The following RPH3A variants were observed in gnomAD, a reference collection of about 807,000 sequenced individuals.
RPH3A encodes the protein rabphilin-3A.
In RPH3A, 48 loss-of-function variants were observed where a neutral mutation model predicts 102.2. The observed-to-expected ratio is 0.47, with a 90% CI of 0.37 to 0.60. The LOEUF (loss-of-function observed/expected upper bound fraction) is 0.60. Ranked by LOEUF, RPH3A falls within the 20% of genes least tolerant of loss-of-function variation. The pLI is 0.00. For missense variants in RPH3A, 781 were observed against 910.1 expected (o/e 0.86, Z 1.83); for synonymous variants, 310 against 324.3 (o/e 0.96, Z 0.47).
intron 1 of RPH3A, among the ~76,000 whole-genome samples, chr12:112,769,824 A>G (rs1325471618): frequency 1.3e-5 from 2 of 152,244 alleles, no homozygotes; most frequent in East Asian, 1.9e-4. Flanking sequence ...ATACAGAAAT[A>G]CATTCTTATA....
chr12:112,610,628 T>A (rs1566227619), intron 1 of RPH3A, among the ~76,000 whole-genome samples: 1 of 151,904 alleles, frequency 6.6e-6, no homozygotes, highest in Admixed American at 6.6e-5. Context: ...AAAATTATTA[T>A]TTTATTTATT....
intron 1 of RPH3A, among the ~76,000 whole-genome samples, chr12:112,635,866 A>G (rs1449579122): frequency 1.3e-5 from 2 of 152,170 alleles, no homozygotes; most frequent in Non-Finnish European, 2.9e-5. Flanking sequence ...GGCAGTAACA[A>G]GGGAAAATAT....
intron 5 of RPH3A, among the ~76,000 whole-genome samples, chr12:112,862,172 A>G (rs1284784806): frequency 6.6e-6 from 1 of 152,144 alleles, no homozygotes; most frequent in African/African-American, 2.4e-5. Flanking sequence ...AAATGTTTTT[A>G]AATTAGCCAG....
chr12:112,881,748 C>T, intron 14 of RPH3A, 24 bp from the exon 15 acceptor site: 2 of 1,586,316 alleles, frequency 1.3e-6, no homozygotes, highest in East Asian at 4.5e-5. Flanking sequence ...GAGGCCCTCA[C>T]ACCATTGCCT....
chr12:112,706,115 C>G (rs1372543834), intron 1 of RPH3A, among the ~76,000 whole-genome samples: 1 of 152,172 alleles, frequency 6.6e-6, no homozygotes, highest in African/African-American at 2.4e-5. Flanking sequence ...CTAGAGCAGA[C>G]ACTTTTGGTG....
intron 1 of RPH3A, among the ~76,000 whole-genome samples, chr12:112,786,089 C>G (rs1254604057): frequency 6.6e-6 from 1 of 152,180 alleles, no homozygotes; most frequent in Non-Finnish European, 1.5e-5. Flanking sequence ...AGTGACATGC[C>G]AAGGTCCCAA....
At chr12:112,874,734 T>C (rs2042764571) in intron 10 of RPH3A, 1 of 230,474 alleles carries the variant, frequency 4.3e-6, no homozygotes, top group South Asian at 8.9e-5. Context: ...GTTTGTGTCA[T>C]TGTATCTTCC....
At chr12:112,734,836 T>G (rs533315740) in intron 1 of RPH3A, among the ~76,000 whole-genome samples, 1 of 152,172 alleles carries the variant, frequency 6.6e-6, no homozygotes, top group African/African-American at 2.4e-5. Flanking sequence ...AATTAGTGTA[T>G]AATGAACAGT....
intron 1 of RPH3A, among the ~76,000 whole-genome samples, chr12:112,753,299 C>T (rs944891001): frequency 1.4e-4 from 21 of 152,190 alleles, no homozygotes; most frequent in African/African-American, 5.1e-4. Context: ...CACGTCAAAT[C>T]CTATCCATTC....
rs146638015 is a variant in RPH3A at position 112,812,956 on chromosome 12, C to T, written c.-18-15345C>T. ...CAGACTTGATATCTGGAGATGACCA[C>T]AAGGGTGACTTCATCCTCTTTATTT... On this transcript the variant is annotated intron_variant, in intron 2 of 21. Coordinates refer to ENST00000389385, the MANE Select transcript of RPH3A (RefSeq NM_001143854.2). 4.1e-3 allele frequency among the ~76,000 whole-genome samples: 627 copies of T among 152,356 alleles called. 4 individuals are homozygous for T. Among genetic ancestry groups the T allele is most frequent in the African/African-American group, 0.014 (598 of 41,576 alleles).
chr12:112,629,299 C>CT (rs1264921336), intron 1 of RPH3A, among the ~76,000 whole-genome samples: 3 of 151,276 alleles, frequency 2.0e-5, no homozygotes, highest in African/African-American at 7.3e-5. Flanking sequence ...AATTAACCTG[C>CT]TTTTTTGTGT....
At chr12:112,662,690 C>T (rs1438360642) in intron 1 of RPH3A, among the ~76,000 whole-genome samples, 2 of 151,472 alleles carry the variant, frequency 1.3e-5, no homozygotes, top group Non-Finnish European at 2.9e-5. Flanking sequence ...AGTACCAAAG[C>T]ATTGTGGCAG....
chr12:112,761,542 C>T (rs748974569), intron 1 of RPH3A, among the ~76,000 whole-genome samples: 37 of 152,214 alleles, frequency 2.4e-4, no homozygotes, highest in Non-Finnish European at 3.8e-4. Flanking sequence ...AAAGTGATGC[C>T]GTCCAGGAAA....
intron 2 of RPH3A, among the ~76,000 whole-genome samples, chr12:112,797,969 G>T (rs976808373): frequency 6.6e-6 from 1 of 152,154 alleles, no homozygotes; most frequent in Non-Finnish European, 1.5e-5. Flanking sequence ...GATTCCAGCC[G>T]TGAGCCACTG....
Position 112,887,876 on chromosome 12 carries a change from C to A in RPH3A, c.1516C>A (p.Pro506Thr), listed in dbSNP as rs76149484. The A allele has an allele frequency of 6.2e-7, 1 of 1,613,850 alleles. No homozygotes were observed. The highest frequency in any genetic ancestry group is 2.2e-5 in the East Asian group (1 of 44,878). The change falls in exon 17 of 22, where the codon CCC becomes ACC. Residue 506 changes from proline to threonine, a missense_variant. Pro to Thr is a conservative substitution (Grantham distance 38). Around this residue, in one of 2 missense-constraint regions of RPH3A, gnomAD observed 730 missense variants for 810.0 expected, o/e 0.90. Transcript: ENST00000389385. ...CAGATTCTCCCTCAAGAAACTGAAG[C>A]CCAACCAGAGGAAGAATTTCAACAT... ...ETRFSLKKLKPNQRKNFNICL... is the reference protein window; with the variant it reads ...ETRFSLKKLKTNQRKNFNICL...
At chr12:112,818,293 T>A (rs900317144) in intron 2 of RPH3A, among the ~76,000 whole-genome samples, 2 of 139,616 alleles carry the variant, frequency 1.4e-5, no homozygotes, top group African/African-American at 2.8e-5. Flanking sequence ...AGTGAGATTC[T>A]GTCTCAAGAA....
intron 1 of RPH3A, among the ~76,000 whole-genome samples, chr12:112,721,639 AT>A (rs61408179): frequency 0.12 from 17,688 of 144,328 alleles, 1,062 homozygotes; most frequent in South Asian, 0.21. Context: ...TAGAAAATGG[AT>A]TTTTTTTTTT....
chr12:112,684,268 G>GT (rs1011016862), intron 1 of RPH3A, among the ~76,000 whole-genome samples: 11 of 151,528 alleles, frequency 7.3e-5, no homozygotes, highest in African/African-American at 1.5e-4. Flanking sequence ...TTTTGCTTTT[G>GT]TTTTTTTTGA....
In RPH3A at chr12:112,629,975, TAGGAAGATATAG is replaced by T. The variant is rs550752843; in HGVS notation, c.-140+54659_-140+54670del. Among the ~76,000 whole-genome samples the T allele has an allele frequency of 2.2e-4, 33 of 152,270 alleles. No homozygotes were observed. The East Asian group carries it at 2.9e-3, about 13-fold the overall frequency. Reference sequence around the variant, plus strand: ...TTGTAATTGCCCAATATCACACAGCTAGGAAGATATAGAGAAAGATTCAGACTCGGGTCCATT... The same window carrying T: ...TTGTAATTGCCCAATATCACACAGCTAGAAAGATTCAGACTCGGGTCCATT... On this transcript the variant is annotated intron_variant, in intron 1 of 21. Coordinates refer to the RPH3A transcript ENST00000543106.
Sources: gnomAD v4.1 joint callset for allele counts (sites outside exome capture counted in the v4.1 genomes callset) on GRCh38, gnomAD v4.1.1 for gene constraint, gnomAD v4.1.1 regional missense constraint, MANE v1.5 for transcripts, NCBI Gene and HGNC (gene_info 2026-07-23, HGNC 2026-07-21) for gene names.